DAAM2: variants seen among roughly 807,000 people sequenced by gnomAD.
The protein encoded by DAAM2 is disheveled-associated activator of morphogenesis 2.
A neutral mutation model predicts 120.7 loss-of-function variants in DAAM2; 39 were observed. The ratio of observed to expected loss-of-function variants is 0.32; its 90% confidence interval spans 0.25 to 0.42. The LOEUF is 0.42. Among genes scored for constraint, DAAM2 ranks in the 10% least tolerant of loss-of-function variants. The pLI, the probability that DAAM2 is intolerant of heterozygous loss-of-function variation, is 1.00. For synonymous variants in DAAM2, 488 were observed against 524.9 expected, an observed-to-expected ratio of 0.93 and a Z score of 0.96; for missense variants, 1,283 against 1,401.7, an observed-to-expected ratio of 0.92 and a Z score of 1.35.
rs772900392 is a variant in DAAM2 at position 39,896,913 on chromosome 6, G to A, written c.2443G>A (p.Gly815Arg). 6.2e-7 allele frequency: 1 copy of A among 1,613,716 alleles called. No individual in the cohort carries two copies. The highest frequency in any genetic ancestry group is 8.5e-7 in the Non-Finnish European group (1 of 1,179,782). The change falls in exon 20 of 25, where the codon GGG becomes AGG. Residue 815 changes from glycine to arginine, a missense_variant. This residue lies in a region of DAAM2 where 748 missense variants were observed against 768.6 expected (regional missense o/e 0.97). Coordinates refer to ENST00000274867, the MANE Select transcript of DAAM2 (RefSeq NM_001201427.2). ...CAACTTCATGAACAAAGGGCAGCGT[G>A]GGGGCGCCTACGGGTTCCGGGTGGC... ...IGNFMNKGQRGGAYGFRVASL... is the reference protein window; with the variant it reads ...IGNFMNKGQRRGAYGFRVASL...
intron 14 of DAAM2, among the ~76,000 whole-genome samples, chr6:39,880,725 A>T (rs890173715): frequency 6.6e-6 from 1 of 152,212 alleles, no homozygotes; most frequent in Non-Finnish European, 1.5e-5. Flanking sequence ...AGGTGGAAAG[A>T]TGAAGCATAA....
In DAAM2 at chr6:39,901,814, T is replaced by G; in HGVS notation, c.2984T>G (p.Leu995Arg). The G allele has an allele frequency of 6.5e-7, 1 of 1,529,846 alleles. No homozygotes were observed. Among genetic ancestry groups the G allele is most frequent in the Non-Finnish European group, 8.8e-7 (1 of 1,138,032 alleles). 94.8% of individuals were successfully genotyped at this position (1,529,846 alleles called of 1,614,324 possible). ...CTATCTTTGGCCCCCCGCCCGCAGC[T>G]GAAGGAGCAGAGGGAACGTGAGCGG... ...EERRARMEAM[L>R]KEQRERERWQ... is the part of the protein sequence containing the mutation. The change falls in exon 25 of 25, where the codon CTG (leucine) becomes CGG (arginine). Residue 995 changes from leucine to arginine, a missense_variant and splice_region_variant. Coordinates refer to ENST00000274867, the MANE Select transcript of DAAM2 (RefSeq NM_001201427.2). This position sits in a 1 kb window ranked among gnomAD's most constrained non-coding sequence, Gnocchi z 4.5.
intron 1 of DAAM2, among the ~76,000 whole-genome samples, chr6:39,815,706 A>T (rs1012553224): frequency 6.6e-6 from 1 of 151,668 alleles, no homozygotes; most frequent in Non-Finnish European, 1.5e-5. Context: ...AGGCTTCATG[A>T]ATGCGGTGAA....
At chr6:39,884,578 G>A (rs1765286407) in intron 15 of DAAM2, 1 of 155,706 alleles carries the variant, frequency 6.4e-6, no homozygotes, top group Non-Finnish European at 1.4e-5. Context: ...AAGGCAGAAG[G>A]TGCTGCTCCA....
At chr6:39,881,395 T>C (rs1393136261) in intron 14 of DAAM2, among the ~76,000 whole-genome samples, 1 of 152,222 alleles carries the variant, frequency 6.6e-6, no homozygotes, top group Non-Finnish European at 1.5e-5. Flanking sequence ...AGGTTCCTTA[T>C]CTGTAAGTGG....
At chr6:39,851,641 C>A (rs1283444417) in intron 1 of DAAM2, among the ~76,000 whole-genome samples, 1 of 152,278 alleles carries the variant, frequency 6.6e-6, no homozygotes, top group Admixed American at 6.5e-5. Flanking sequence ...CTTTACCAAC[C>A]AAATGGAAGG....
At chr6:39,848,877 C>T (rs1280843800) in intron 1 of DAAM2, 1 of 152,126 alleles carries the variant, frequency 6.6e-6, no homozygotes, top group Non-Finnish European at 1.5e-5. Context: ...TCCTTCTGAG[C>T]CTCAAGTTTC....
chr6:39,895,575 C>T (rs549847371), intron 19 of DAAM2, among the ~76,000 whole-genome samples: 58 of 152,124 alleles, frequency 3.8e-4, no homozygotes, highest in Non-Finnish European at 6.8e-4. Flanking sequence ...TTAGCAAAGT[C>T]GTTTTCATTT....
intron 1 of DAAM2, among the ~76,000 whole-genome samples, chr6:39,818,572 C>T (rs938139341): frequency 6.6e-5 from 10 of 152,220 alleles, no homozygotes; most frequent in African/African-American, 1.7e-4. Flanking sequence ...TGGGTTGTAG[C>T]ATGGCCTGGC....
At chr6:39,880,768 A>G (rs1031667017) in intron 14 of DAAM2, among the ~76,000 whole-genome samples, 1 of 152,214 alleles carries the variant, frequency 6.6e-6, no homozygotes, top group East Asian at 1.9e-4. Flanking sequence ...CGGGCCTCTG[A>G]TAACATCTCC....
chr6:39,899,076 A>C (rs1766310019), intron 22 of DAAM2, 139 bp downstream of exon 22: 2 of 669,988 alleles, frequency 3.0e-6, no homozygotes, highest in East Asian at 5.5e-5. Context: ...CCAAAGGATA[A>C]CTGGATTACT....
Position 39,856,409 on chromosome 6 carries a change from TG to T in DAAM2, c.109del (p.Glu37SerfsTer89). On this transcript the variant is annotated frameshift_variant, in exon 2 of 25. Coordinates refer to ENST00000274867, the MANE Select transcript of DAAM2 (RefSeq NM_001201427.2). LOFTEE classifies it high-confidence loss of function. The part of the protein sequence containing the change: ...NLRDNHPLQF[M>X]EFSSPIPNAE... ...CGGGACAACCACCCTCTGCAGTTCATGGAGTTCTCCAGCCCCATCCCGAACG... is the reference window on the plus strand; with the variant it reads ...CGGGACAACCACCCTCTGCAGTTCATGAGTTCTCCAGCCCCATCCCGAACG... The T allele has an allele frequency of 6.5e-7, 1 of 1,550,236 alleles. No individual in the cohort carries two copies. The highest frequency in any genetic ancestry group is 8.7e-7 in the Non-Finnish European group (1 of 1,148,210).
chr6:39,860,248 C>T (rs560394430), intron 2 of DAAM2, among the ~76,000 whole-genome samples: 4 of 152,336 alleles, frequency 2.6e-5, no homozygotes, highest in East Asian at 1.9e-4. Flanking sequence ...GATGGAGCCC[C>T]GTGCCTTCTC....
chr6:39,817,009 G>A (rs1762330086), intron 1 of DAAM2, among the ~76,000 whole-genome samples: 1 of 152,212 alleles, frequency 6.6e-6, no homozygotes, highest in South Asian at 2.1e-4. Flanking sequence ...TTGTTCTTTG[G>A]AGGGCTTCCC....
intron 1 of DAAM2, among the ~76,000 whole-genome samples, chr6:39,811,760 A>T (rs1277780024): frequency 6.6e-6 from 1 of 152,102 alleles, no homozygotes; most frequent in Non-Finnish European, 1.5e-5. Flanking sequence ...AGCTCTTGGC[A>T]GGGGATGTTG....
chr6:39,825,407 A>G (rs560816601), intron 1 of DAAM2, among the ~76,000 whole-genome samples: 131 of 123,816 alleles, frequency 1.1e-3, no homozygotes, highest in African/African-American at 3.7e-3. Context: ...AACAAAACAA[A>G]ACAAAACAAA....
intron 1 of DAAM2, among the ~76,000 whole-genome samples, chr6:39,827,748 TG>T (rs796732935): frequency 4.6e-5 from 7 of 152,298 alleles, no homozygotes; most frequent in African/African-American, 1.7e-4. Flanking sequence ...ACTCTCTTAA[TG>T]GACCAAAGGG....
Position 39,879,371 on chromosome 6 carries a change from C to G in DAAM2, c.1739C>G (p.Pro580Arg), listed in dbSNP as rs769077172. The G allele has an allele frequency of 6.2e-7, 1 of 1,613,496 alleles. No homozygotes were observed. Among genetic ancestry groups the G allele is most frequent in the East Asian group, 2.2e-5 (1 of 44,840 alleles). Residue 580 changes from proline to arginine, a missense_variant, in exon 14 of 25, where the codon CCC becomes CGC. Physicochemically the swap from Pro to Arg is moderately radical, Grantham distance 103. Coordinates refer to ENST00000274867, the MANE Select transcript of DAAM2 (RefSeq NM_001201427.2). ...CCACCTTGCCTCGGCATGGGCCTGC[C>G]CCTCCCTCAGGACCCCTACCCCAGC... Reference protein sequence around the residue: ...GAPPCLGMGLPLPQDPYPSSD... With the variant: ...GAPPCLGMGLRLPQDPYPSSD...
intron 1 of DAAM2, among the ~76,000 whole-genome samples, chr6:39,851,408 A>G (rs745631994): frequency 5.3e-5 from 8 of 152,204 alleles, no homozygotes; most frequent in Non-Finnish European, 1.0e-4. Flanking sequence ...CATAAGTTCT[A>G]TAAAATGAAG....
Sources: gnomAD v4.1 joint callset for allele counts (sites outside exome capture counted in the v4.1 genomes callset) on GRCh38, gnomAD v4.1.1 for gene constraint, gnomAD v4.1.1 regional missense constraint, Gnocchi (gnomAD v3.1) non-coding constraint, MANE v1.5 for transcripts, NCBI Gene and HGNC (gene_info 2026-07-23, HGNC 2026-07-21) for gene names.